The following RGS9 variants were observed in gnomAD, a reference collection of about 807,000 sequenced individuals.
The protein encoded by RGS9 is regulator of G-protein signalling 9.
A neutral mutation model predicts 102.0 loss-of-function variants in RGS9; 78 were observed. The ratio of observed to expected loss-of-function variants is 0.76; its 90% CI spans 0.64 to 0.92. The LOEUF is 0.92. Ranked by LOEUF, RGS9 falls within the 40% of genes least tolerant of loss-of-function variation. The pLI, the probability that RGS9 is intolerant of heterozygous loss-of-function variation, is 0.00. For missense variants in RGS9, 833 were observed against 866.1 expected, an observed-to-expected ratio of 0.96 and a Z score of 0.48; for synonymous variants, 353 against 318.6, an observed-to-expected ratio of 1.11 and a Z score of -1.15.
intron 13 of RGS9, among the ~76,000 whole-genome samples, chr17:65,198,458 G>A (rs552679406): frequency 1.3e-5 from 2 of 152,258 alleles, no homozygotes; most frequent in South Asian, 2.1e-4. Context: ...GTTTCGCCAT[G>A]TTGGCCAGGC....
At chr17:65,172,425 G>T (rs190547291) in intron 8 of RGS9, among the ~76,000 whole-genome samples, 7 of 151,878 alleles carry the variant, frequency 4.6e-5, no homozygotes, top group Non-Finnish European at 5.9e-5. Context: ...GGCTGGTCTC[G>T]AACTCCTGAC....
chr17:65,178,184 T>G (rs184104762), intron 9 of RGS9, among the ~76,000 whole-genome samples: 1 of 152,346 alleles, frequency 6.6e-6, no homozygotes, highest in East Asian at 1.9e-4. Flanking sequence ...TCCTTGATCC[T>G]GAGGAGACTG....
At chr17:65,138,433 T>C (rs1909997410) in intron 1 of RGS9, among the ~76,000 whole-genome samples, 1 of 152,172 alleles carries the variant, frequency 6.6e-6, no homozygotes, top group African/African-American at 2.4e-5. Context: ...GAGCTCTCCC[T>C]GAGCCCCTGG....
intron 17 of RGS9, among the ~76,000 whole-genome samples, chr17:65,216,949 G>T (rs1041187093): frequency 5.3e-5 from 8 of 152,200 alleles, no homozygotes; most frequent in African/African-American, 1.9e-4. Context: ...TTGAAGATGT[G>T]ACAGTGGATG....
chr17:65,222,750 G>T (rs996952590), intron 17 of RGS9, among the ~76,000 whole-genome samples: 1 of 152,204 alleles, frequency 6.6e-6, no homozygotes, highest in African/African-American at 2.4e-5. Context: ...TAGAAGCTTA[G>T]TGCAGAGTCC....
At chr17:65,211,812 G>A (rs1252170620) in intron 17 of RGS9, among the ~76,000 whole-genome samples, 2 of 152,234 alleles carry the variant, frequency 1.3e-5, no homozygotes, top group Non-Finnish European at 1.5e-5. Flanking sequence ...CTCTCATGGA[G>A]CTTCTTCTAG....
intron 17 of RGS9, among the ~76,000 whole-genome samples, chr17:65,215,979 C>G (rs936615480): frequency 1.3e-5 from 2 of 151,940 alleles, no homozygotes; most frequent in African/African-American, 4.8e-5. Flanking sequence ...GGACTCATAG[C>G]GGAGCAAGCA....
Position 65,227,321 on chromosome 17 carries a change from T to C in RGS9, c.1939T>C (p.Leu647=), listed in dbSNP as rs199907642. The change falls in exon 19 of 19, where the codon TTG becomes CTG. Residue 647 remains leucine, a synonymous_variant. Transcript: ENST00000262406. ...MDVPTGSGTC[L]MDSEDAGTGE... is the part of the protein sequence containing the mutation. ...TGTGCCCACGGGGAGCGGGACCTGC[T>C]TGATGGACTCGGAGGATGCTGGAAC... 5.1e-5 allele frequency: 83 copies of C among 1,614,054 alleles called. No individual in the cohort carries two copies. The highest frequency in any genetic ancestry group is 1.2e-4 in the African/African-American group (9 of 74,930).
At position 65,160,541 on chromosome 17, in the gene RGS9, G is replaced by A. The variant is rs377371789; in HGVS notation, c.318G>A (p.Pro106=). 25 of 1,614,090 alleles carry A rather than the reference G, an allele frequency of 1.5e-5. No homozygotes were observed. Among genetic ancestry groups the A allele is most frequent in the African/African-American group, 1.1e-4 (8 of 74,934 alleles). The stretch of plus-strand genomic sequence containing the variant: ...TTCCCTGGTTTCTTTTGCAGACACC[G>A]TATTTCTGGCCCACCCAGCAGTGGC... The part of the protein sequence containing the change: ...PDGSLYRFQT[P]YFWPTQQWPA... Residue 106 remains proline, a synonymous_variant, in exon 5 of 19, where the codon CCG becomes CCA. Coordinates refer to ENST00000262406, the MANE Select transcript of RGS9 (RefSeq NM_003835.4).
At chr17:65,146,561 T>G (rs1303279272) in intron 1 of RGS9, among the ~76,000 whole-genome samples, 1 of 138,758 alleles carries the variant, frequency 7.2e-6, no homozygotes, top group South Asian at 2.3e-4. Context: ...CACTCCAGCT[T>G]GGCGACAGAG....
chr17:65,215,480 CTTTCTTTCGT>C lies in RGS9; in HGVS notation c.1407+4877_1407+4886del, dbSNP rs1300129051. On this transcript the variant is annotated intron_variant, in intron 17 of 18. Coordinates refer to ENST00000262406, the MANE Select transcript of RGS9 (RefSeq NM_003835.4). The stretch of plus-strand genomic sequence containing the variant: ...TCTCTTTCTTTCTTTCTTTCTCTAT[CTTTCTTTCGT>C]TCTTTCGTTCTTTCTTTCTTTCTTT... 2.7e-5 allele frequency among the ~76,000 whole-genome samples: 3 copies of C among 111,342 alleles called. 1 individual carries two copies. Among genetic ancestry groups the C allele is most frequent in the African/African-American group, 1.7e-4 (3 of 17,724 alleles). The allele number at this position is 111,342 out of a possible 152,430, so 73.0% of individuals were successfully genotyped here. A position where few individuals can be genotyped will look rare whatever the true frequency, so the allele number is the denominator to read the frequency against.
At chr17:65,167,121 A>C (rs949161393) in intron 7 of RGS9, among the ~76,000 whole-genome samples, 18 of 152,340 alleles carry the variant, frequency 1.2e-4, no homozygotes, top group African/African-American at 4.1e-4. Context: ...TGGAGGAAGA[A>C]GGCCCTGCGT....
At chr17:65,193,849 A>T (rs1337951468) in intron 12 of RGS9, among the ~76,000 whole-genome samples, 193 bp downstream of exon 12, 1 of 152,150 alleles carries the variant, frequency 6.6e-6, no homozygotes, top group African/African-American at 2.4e-5. Context: ...GCAACTATGA[A>T]TCTACTTTCT....
At chr17:65,208,442 G>A (rs1913155218) in intron 16 of RGS9, among the ~76,000 whole-genome samples, 3 of 152,154 alleles carry the variant, frequency 2.0e-5, no homozygotes, top group South Asian at 2.1e-4. Flanking sequence ...AAGGGGAAAC[G>A]GACAGTAACG....
intron 9 of RGS9, 115 bp downstream of exon 9, chr17:65,177,918 C>T: frequency 2.3e-6 from 2 of 851,568 alleles, no homozygotes; most frequent in South Asian, 1.4e-5. Flanking sequence ...TTGAGACTAT[C>T]AAAGAGAGGA....
Position 65,190,240 on chromosome 17 carries a change from T to C in RGS9, c.746+4T>C, listed in dbSNP as rs772022980. On this transcript the variant is annotated splice_donor_region_variant and intron_variant, in intron 11 of 18. Transcript: ENST00000262406. ...AGTCTTCTGTGTCCCTGGGAGGGTA[T>C]GTCCCTGATTTGTTGATCTTGCTAA... The C allele has an allele frequency of 6.2e-7, 1 of 1,611,054 alleles. No homozygotes were observed. The highest frequency in any genetic ancestry group is 1.1e-5 in the South Asian group (1 of 91,002).
intron 15 of RGS9, among the ~76,000 whole-genome samples, chr17:65,206,400 C>A (rs1913064163): frequency 6.6e-6 from 1 of 152,094 alleles, no homozygotes; most frequent in East Asian, 1.9e-4. Flanking sequence ...TAGTTTTCGG[C>A]TGGGCGCAGT....
Position 65,160,598 on chromosome 17 carries a change from C to G in RGS9, c.364+11C>G, listed in dbSNP as rs1186003766. 6.2e-7 allele frequency: 1 copy of G among 1,613,832 alleles called. No homozygotes were observed. The highest frequency in any genetic ancestry group is 8.5e-7 in the Non-Finnish European group (1 of 1,179,820). ...AAGATACCGATTACGGTAAATACTT[C>G]AGCCCCAACTATGCCTTTGGTAGTG... is the stretch of plus-strand genomic sequence containing the variant. On this transcript the variant is annotated intron_variant, in intron 5 of 18. Coordinates refer to ENST00000262406, the MANE Select transcript of RGS9 (RefSeq NM_003835.4).
intron 13 of RGS9, among the ~76,000 whole-genome samples, chr17:65,198,628 G>C (rs929131199): frequency 2.0e-5 from 3 of 152,282 alleles, no homozygotes; most frequent in Non-Finnish European, 1.5e-5. Flanking sequence ...TCAGAACCAG[G>C]CTGTGCATTC....
Sources: allele counts gnomAD v4.1 joint callset (sites outside exome capture counted in the v4.1 genomes callset), GRCh38; gene constraint gnomAD v4.1.1; transcripts MANE v1.5; gene names NCBI Gene and HGNC (gene_info 2026-07-23, HGNC 2026-07-21).